Variants in ADAMTSL1 observed in about 807,000 individuals in gnomAD.
ADAMTSL1 encodes ADAMTS like 1.
A neutral mutation model predicts 201.8 loss-of-function variants in ADAMTSL1; 126 were observed. The observed-to-expected ratio is 0.62, with a 90% CI of 0.54 to 0.72. The LOEUF is 0.72. ADAMTSL1 is among the 30% of genes least tolerant of loss of function. ADAMTSL1 has a pLI of 0.00. For synonymous variants in ADAMTSL1, 1,121 were observed against 903.4 expected (o/e 1.24, Z -4.32); for missense variants, 2,679 against 2,277.8 (o/e 1.18, Z -3.59).
chr9:18,526,726 G>A (rs1311322134), intron 2 of ADAMTSL1, among the ~76,000 whole-genome samples: 4 of 152,030 alleles, frequency 2.6e-5, no homozygotes, highest in Non-Finnish European at 5.9e-5. Context: ...TTTTTAACTG[G>A]CTCATTGGGG....
chr9:17,913,433 T>C (rs1404344569), intron 1 of ADAMTSL1, among the ~76,000 whole-genome samples: 1 of 152,204 alleles, frequency 6.6e-6, no homozygotes, highest in Non-Finnish European at 1.5e-5. Context: ...GTTGGATTCC[T>C]AGGTATTTTA....
chr9:18,320,410 A>G (rs1834572793), intron 2 of ADAMTSL1, among the ~76,000 whole-genome samples: 1 of 152,210 alleles, frequency 6.6e-6, no homozygotes, highest in Admixed American at 6.5e-5. Flanking sequence ...TCTATATCCA[A>G]CAAAAACATC....
intron 2 of ADAMTSL1, among the ~76,000 whole-genome samples, chr9:18,391,272 G>C (rs1838034426): frequency 6.6e-6 from 1 of 152,092 alleles, no homozygotes; most frequent in African/African-American, 2.4e-5. Context: ...TCAAGTTTTA[G>C]AAGCCTTTTC....
At chr9:18,311,591 A>G (rs1007648578) in intron 2 of ADAMTSL1, among the ~76,000 whole-genome samples, 15 of 152,118 alleles carry the variant, frequency 9.9e-5, no homozygotes, top group African/African-American at 3.6e-4. Context: ...TCATGAACAG[A>G]TAGAATTGGC....
chr9:18,314,781 G>C (rs957364639), intron 2 of ADAMTSL1, among the ~76,000 whole-genome samples: 1 of 67,908 alleles, frequency 1.5e-5, no homozygotes, highest in African/African-American at 4.7e-5. Flanking sequence ...TCGGCAGCGT[G>C]CTTTTTTTTT....
Position 18,010,660 on chromosome 9 carries a change from A to G in ADAMTSL1, c.87+103738A>G, listed in dbSNP as rs149084352. On this transcript the variant is annotated intron_variant, in intron 1 of 29. Transcript: ENST00000680146. ...TGTGCTTGCTCAGCCCAGACAATGG[A>G]CACAACCCTAAGAGAGTGGGTGGAG... is the stretch of plus-strand genomic sequence containing the variant. 1.5e-4 allele frequency among the ~76,000 whole-genome samples: 23 copies of G among 152,072 alleles called. No individual in the cohort carries two copies. In the East Asian group the frequency reaches 2.5e-3, roughly 17 times the overall value.
At chr9:18,341,773 G>T (rs997182283) in intron 2 of ADAMTSL1, among the ~76,000 whole-genome samples, 5 of 151,960 alleles carry the variant, frequency 3.3e-5, no homozygotes, top group East Asian at 1.9e-4. Flanking sequence ...GATCTAATAG[G>T]CCTTAATGGA....
chr9:18,876,524 T>C (rs1158826869), intron 23 of ADAMTSL1, among the ~76,000 whole-genome samples: 1 of 152,186 alleles, frequency 6.6e-6, no homozygotes, highest in Non-Finnish European at 1.5e-5. Flanking sequence ...TTAGTTTCAC[T>C]GGATACAAAA....
At chr9:17,989,463 C>A (rs1819062952) in intron 1 of ADAMTSL1, among the ~76,000 whole-genome samples, 1 of 151,804 alleles carries the variant, frequency 6.6e-6, no homozygotes, top group Non-Finnish European at 1.5e-5. Context: ...AAAATCACTG[C>A]ATTGATAAAA....
intron 2 of ADAMTSL1, among the ~76,000 whole-genome samples, chr9:18,505,822 T>C (rs2131938618): frequency 6.6e-6 from 1 of 152,318 alleles, no homozygotes; most frequent in South Asian, 2.1e-4. Context: ...CATAAACAAA[T>C]AGCAGAAAGT....
At chr9:17,908,721 G>C (rs112596397) in intron 1 of ADAMTSL1, among the ~76,000 whole-genome samples, 4 of 152,196 alleles carry the variant, frequency 2.6e-5, no homozygotes, top group African/African-American at 4.8e-5. Context: ...GCCTTCCAAA[G>C]TTCTGGGATT....
intron 2 of ADAMTSL1, among the ~76,000 whole-genome samples, chr9:18,315,642 C>G (rs1038094755): frequency 1.6e-4 from 24 of 152,200 alleles, no homozygotes; most frequent in Admixed American, 1.3e-3. Flanking sequence ...CCACCGATCC[C>G]GCGCCCACCT....
intron 14 of ADAMTSL1, among the ~76,000 whole-genome samples, chr9:18,715,266 G>A (rs1368527581): frequency 3.3e-5 from 5 of 150,984 alleles, no homozygotes; most frequent in Admixed American, 6.6e-5. Flanking sequence ...GGAAATAAAG[G>A]GTATTCAATT....
chr9:18,890,505 C>A (rs1006244391), intron 25 of ADAMTSL1: 1 of 455,906 alleles, frequency 2.2e-6, no homozygotes, highest in Non-Finnish European at 4.4e-6. Context: ...TACTACCTAT[C>A]TGTAGGACTT....
chr9:18,686,422 C>T lies in ADAMTSL1; in HGVS notation c.1574+1622C>T, dbSNP rs1048604798. On this transcript the variant is annotated intron_variant, in intron 13 of 28. Transcript: ENST00000380548. ...TAAAGGCTTACAATTTTTTGCTTCT[C>T]CTCTGCCAGTACCTGATTTGACAGG... 9.2e-5 allele frequency among the ~76,000 whole-genome samples: 14 copies of T among 152,228 alleles called. No individual in the cohort carries two copies. In the East Asian group the frequency reaches 2.7e-3, roughly 29 times the overall value.
intron 21 of ADAMTSL1, among the ~76,000 whole-genome samples, chr9:18,818,827 C>A (rs1201275808): frequency 6.6e-6 from 1 of 152,050 alleles, no homozygotes; most frequent in East Asian, 1.9e-4. Flanking sequence ...ATAAATATAT[C>A]TTTGTAAGTG....
chr9:18,072,977 G>A (rs1012317756), intron 1 of ADAMTSL1, among the ~76,000 whole-genome samples: 1 of 152,122 alleles, frequency 6.6e-6, no homozygotes, highest in African/African-American at 2.4e-5. Context: ...TTTGATGTTT[G>A]TTGCCTATTT....
chr9:18,685,481 C>G (rs1264142776), intron 13 of ADAMTSL1, among the ~76,000 whole-genome samples: 2 of 152,208 alleles, frequency 1.3e-5, no homozygotes, highest in African/African-American at 4.8e-5. Context: ...TGCTACATCA[C>G]TTTTACAAAC....
chr9:17,964,090 C>A (rs1044977875), intron 1 of ADAMTSL1, among the ~76,000 whole-genome samples: 1 of 152,092 alleles, frequency 6.6e-6, no homozygotes, highest in East Asian at 1.9e-4. Context: ...TCCTTGACCA[C>A]CTGCTGTTTG....
Sources: allele counts gnomAD v4.1 joint callset (sites outside exome capture counted in the v4.1 genomes callset), GRCh38; gene constraint gnomAD v4.1.1; transcripts MANE v1.5; gene names NCBI Gene and HGNC (gene_info 2026-07-23, HGNC 2026-07-21).